The following XKR9 variants were observed in gnomAD, a reference collection of about 807,000 sequenced individuals.
XKR9 encodes XK-related protein 9.
XKR9 carries 32 observed loss-of-function variants against 32.0 expected under a neutral mutation model. That is an observed-to-expected ratio of 1.00 (90% CI 0.76 to 1.34). The LOEUF is 1.34. Ranked by LOEUF, XKR9 falls within the 40% of genes most tolerant of loss-of-function variation. The probability of loss-of-function intolerance (pLI) is 0.00; values close to 1 mark genes in which losing one functional copy is unlikely to be tolerated. For missense variants in XKR9, 546 were observed against 429.7 expected, an observed-to-expected ratio of 1.27 and a Z score of -2.39; for synonymous variants, 168 against 143.4, an observed-to-expected ratio of 1.17 and a Z score of -1.22.
At chr8:70,738,639 G>T (rs1202441264), downstream of XKR9, among the ~76,000 whole-genome samples, 1 of 151,926 alleles carries the variant, frequency 6.6e-6, no homozygotes, top group African/African-American at 2.4e-5. Context: ...ACACTGCCTT[G>T]AATGTGTCCC....
the XKR9 span, among the ~76,000 whole-genome samples, chr8:71,026,737 A>G: frequency 3.3e-5 from 5 of 152,188 alleles, no homozygotes; most frequent in Admixed American, 3.3e-4. Context: ...TTCTAAGTGC[A>G]ATCTGCCTCT....
chr8:70,701,130 T>C (rs1805516448), intron 3 of XKR9, among the ~76,000 whole-genome samples: 1 of 152,196 alleles, frequency 6.6e-6, no homozygotes, highest in African/African-American at 2.4e-5. Flanking sequence ...CCTGACCCCT[T>C]GCACTTCCCG....
chr8:71,042,442 T>C, the XKR9 span, among the ~76,000 whole-genome samples: 2 of 152,136 alleles, frequency 1.3e-5, no homozygotes, highest in East Asian at 3.9e-4. Context: ...CTCAGATGAA[T>C]TACATAAGCT....
In XKR9 at chr8:70,735,419, G is replaced by A. The variant is rs1209008975; in HGVS notation, c.*995G>A. The stretch of plus-strand genomic sequence containing the variant: ...ATGTTGATGGCATTTGGAAGTGGTG[G>A]GGACTTTGTTTATTTATTTATTTTT... On this transcript the variant is annotated 3_prime_UTR_variant, in exon 5 of 5. Transcript: ENST00000408926. The A allele has an allele frequency of 6.6e-6, 1 of 151,222 alleles. No individual in the cohort carries two copies. Among genetic ancestry groups the A allele is most frequent in the Non-Finnish European group, 1.5e-5 (1 of 67,782 alleles). 9.4% of individuals were successfully genotyped at this position (151,222 alleles called of 1,614,324 possible).
intron 2 of XKR9, among the ~76,000 whole-genome samples, chr8:70,676,126 T>TG (rs538867403): frequency 3.3e-4 from 51 of 152,258 alleles, no homozygotes; most frequent in Non-Finnish European, 5.9e-4. Flanking sequence ...CTTACAATCA[T>TG]GGCAGAAGGT....
At chr8:70,916,727 T>G in the XKR9 span, among the ~76,000 whole-genome samples, 2 of 152,124 alleles carry the variant, frequency 1.3e-5, no homozygotes, top group Non-Finnish European at 2.9e-5. Context: ...AATCTATAGG[T>G]AAATTTGTAG....
the XKR9 span, among the ~76,000 whole-genome samples, chr8:71,005,870 T>A: frequency 1.3e-5 from 2 of 152,218 alleles, no homozygotes; most frequent in African/African-American, 4.8e-5. Context: ...AACTTCCAGA[T>A]GAAAAGTTAC....
chr8:70,720,913 G>A (rs919878152), intron 4 of XKR9, among the ~76,000 whole-genome samples: 4 of 152,164 alleles, frequency 2.6e-5, no homozygotes, highest in African/African-American at 9.6e-5. Context: ...GAATTCAACT[G>A]TGAATCCCTC....
the XKR9 span, among the ~76,000 whole-genome samples, chr8:71,035,114 A>G: frequency 6.6e-6 from 1 of 152,230 alleles, no homozygotes; most frequent in Non-Finnish European, 1.5e-5. Context: ...AATATTATAA[A>G]TGGTTTTGAT....
intron 2 of XKR9, among the ~76,000 whole-genome samples, chr8:70,751,182 G>T (rs1271640850): frequency 1.3e-5 from 2 of 152,176 alleles, no homozygotes; most frequent in Non-Finnish European, 2.9e-5. Context: ...AGGCTGGAGT[G>T]CAGTGGCGCG....
chr8:70,754,442 A>T (rs1270925022), intron 2 of XKR9, among the ~76,000 whole-genome samples: 1 of 128,396 alleles, frequency 7.8e-6, no homozygotes, highest in Non-Finnish European at 1.8e-5. Context: ...ACCATAAAAG[A>T]GCCCGCATCG....
chr8:70,818,239 G>T, the XKR9 span, among the ~76,000 whole-genome samples: 1 of 150,308 alleles, frequency 6.7e-6, no homozygotes, highest in Non-Finnish European at 1.5e-5. Flanking sequence ...CTCTTTTATC[G>T]TTCTTCAAGT....
chr8:70,834,245 C>T, the XKR9 span, among the ~76,000 whole-genome samples: 3 of 151,762 alleles, frequency 2.0e-5, no homozygotes, highest in African/African-American at 7.3e-5. Context: ...TGTTATGTTT[C>T]AGAGATTTGA....
At chr8:70,834,291 C>T in the XKR9 span, among the ~76,000 whole-genome samples, 4 of 152,010 alleles carry the variant, frequency 2.6e-5, no homozygotes, top group Non-Finnish European at 4.4e-5. Context: ...CATTCATTTT[C>T]ACTGCTGCAT....
intron 2 of XKR9, among the ~76,000 whole-genome samples, chr8:70,740,973 G>C (rs1452395162): frequency 1.3e-5 from 2 of 152,206 alleles, no homozygotes; most frequent in Non-Finnish European, 2.9e-5. Context: ...GCTGCGGGCT[G>C]GGAGAACCAC....
intron 2 of XKR9, among the ~76,000 whole-genome samples, chr8:70,759,384 A>G (rs983438238): frequency 6.6e-6 from 1 of 152,200 alleles, no homozygotes; most frequent in African/African-American, 2.4e-5. Flanking sequence ...AAAGGAAGAA[A>G]AAAGAGGAAT....
chr8:70,938,331 C>G, the XKR9 span, among the ~76,000 whole-genome samples: 51 of 151,876 alleles, frequency 3.4e-4, no homozygotes, highest in Admixed American at 5.9e-4. Context: ...GTTGGTCCTG[C>G]TTGGGAACAG....
the XKR9 span, among the ~76,000 whole-genome samples, chr8:70,855,125 G>A: frequency 6.6e-6 from 1 of 152,038 alleles, no homozygotes; most frequent in Non-Finnish European, 1.5e-5. Context: ...TATGATGGAT[G>A]GAGAATGACT....
chr8:70,934,459 A>T, the XKR9 span, among the ~76,000 whole-genome samples: 1 of 152,064 alleles, frequency 6.6e-6, no homozygotes, highest in Non-Finnish European at 1.5e-5. Flanking sequence ...TTGGGACAAT[A>T]AATACGATGT....
Sources: gnomAD v4.1 joint callset for allele counts (sites outside exome capture counted in the v4.1 genomes callset) on GRCh38, gnomAD v4.1.1 for gene constraint, MANE v1.5 for transcripts, NCBI Gene and HGNC (gene_info 2026-07-23, HGNC 2026-07-21) for gene names.